Variants in ZNF366 observed in about 807,000 individuals in gnomAD.
ZNF366 encodes zinc finger protein 366, also known as dendritic cell-specific transcript protein.
A neutral mutation model predicts 47.2 loss-of-function variants in ZNF366; 20 were observed. That is an observed-to-expected ratio of 0.42 (90% CI 0.30 to 0.62). The LOEUF (loss-of-function observed/expected upper bound fraction) is 0.62. Ranked by LOEUF, ZNF366 falls within the 20% of genes least tolerant of loss-of-function variation. ZNF366 has a pLI of 0.16. For synonymous variants in ZNF366, 421 were observed against 395.1 expected (o/e 1.07, Z -0.78); for missense variants, 987 against 976.3 (o/e 1.01, Z -0.15).
intron 3 of ZNF366, among the ~76,000 whole-genome samples, chr5:72,454,087 A>G (rs983630718): frequency 6.6e-6 from 1 of 152,194 alleles, no homozygotes; most frequent in Non-Finnish European, 1.5e-5. Context: ...CTGGCATTCT[A>G]CTTTATAAAC....
At chr5:72,480,096 A>G (rs1289111810) in intron 1 of ZNF366, among the ~76,000 whole-genome samples, 1 of 152,250 alleles carries the variant, frequency 6.6e-6, no homozygotes, top group East Asian at 1.9e-4. Flanking sequence ...AAACTAAATC[A>G]TCCTAAAGCA....
At chr5:72,448,672 C>T (rs1162006486) in intron 3 of ZNF366, among the ~76,000 whole-genome samples, 1 of 152,036 alleles carries the variant, frequency 6.6e-6, no homozygotes, top group Non-Finnish European at 1.5e-5. Context: ...GAGGCTTACA[C>T]CAGTTTTCCT....
Position 72,460,386 on chromosome 5 carries a change from C to T in ZNF366, c.1111G>A (p.Gly371Ser). 3 of 1,614,242 alleles carry T rather than the reference C, an allele frequency of 1.9e-6. No homozygotes were observed. The highest frequency in any genetic ancestry group is 2.5e-6 in the Non-Finnish European group (3 of 1,180,042). Residue 371 changes from glycine to serine, a missense_variant, in exon 2 of 5, where the codon GGC (glycine) becomes AGC (serine). By Grantham distance (56) the Gly-to-Ser change is moderately conservative (BLOSUM62 0). Transcript: ENST00000318442. ...TGGGCCAAGGTGGGGAAGTCGAGGC[C>T]GCACTCCACACAGATGTTCTCGCGC... Reference protein sequence around the residue: ...SGRENICVECGLDFPTLAQLK... With the variant: ...SGRENICVECSLDFPTLAQLK...
intron 1 of ZNF366, among the ~76,000 whole-genome samples, chr5:72,468,946 A>G (rs922514767): frequency 6.6e-6 from 1 of 152,196 alleles, no homozygotes; most frequent in African/African-American, 2.4e-5. Flanking sequence ...TTTGGAGGGA[A>G]TGTCTTTAGA....
chr5:72,490,842 A>G (rs1743994024), intron 1 of ZNF366, among the ~76,000 whole-genome samples: 1 of 152,240 alleles, frequency 6.6e-6, no homozygotes, highest in African/African-American at 2.4e-5. Context: ...GAACTTGAGC[A>G]TGATAGTTGC....
At position 72,487,774 on chromosome 5, in the gene ZNF366, T is replaced by G. The variant is rs140550426; in HGVS notation, c.-15+19477A>C. 2.0e-4 allele frequency among the ~76,000 whole-genome samples: 30 copies of G among 152,300 alleles called. No individual in the cohort carries two copies. In the East Asian group the frequency reaches 4.8e-3, roughly 24 times the overall value. Reference sequence around the variant, plus strand: ...GTGTATCTTTTGGCCTATGTAGTAGTGGACAAATATGGGTATTTTGCAAAA... The same window carrying G: ...GTGTATCTTTTGGCCTATGTAGTAGGGGACAAATATGGGTATTTTGCAAAA... On this transcript the variant is annotated intron_variant, in intron 1 of 4. Coordinates refer to ENST00000318442, the MANE Select transcript of ZNF366 (RefSeq NM_152625.3).
Position 72,444,047 on chromosome 5 carries a change from C to T in ZNF366, c.1944G>A (p.Leu648=). 1.2e-6 allele frequency: 2 copies of T among 1,614,212 alleles called. No homozygotes were observed. The highest frequency in any genetic ancestry group is 1.7e-6 in the Non-Finnish European group (2 of 1,180,036). ...CGGGGGCGTGCTCCGACTTGGTGGACAGATCCTCGGGTGTGCAGAGCTGCT... is the reference window on the plus strand; with the variant it reads ...CGGGGGCGTGCTCCGACTTGGTGGATAGATCCTCGGGTGTGCAGAGCTGCT... The part of the protein sequence containing the change: ...QSQQLCTPED[L]STKSEHAPEV... Residue 648 remains leucine, a synonymous_variant, in exon 5 of 5, where the codon CTG becomes CTA. Transcript: ENST00000318442.
intron 1 of ZNF366, among the ~76,000 whole-genome samples, chr5:72,480,918 G>A (rs1343586553): frequency 6.6e-6 from 1 of 152,190 alleles, no homozygotes; most frequent in Non-Finnish European, 1.5e-5. Context: ...AGCAAGCCAC[G>A]CTTTAAGAGC....
chr5:72,469,046 C>T (rs189188593), intron 1 of ZNF366, among the ~76,000 whole-genome samples: 23 of 152,218 alleles, frequency 1.5e-4, no homozygotes, highest in African/African-American at 4.6e-4. Flanking sequence ...TGTTAGAAAC[C>T]TTCATTTTGT....
chr5:72,465,329 A>G lies in ZNF366; in HGVS notation c.-14-3819T>C, dbSNP rs146970079. ...AAGGAGAAGCCCGAGGTGGTGAAAC[A>G]ACAACAACAACAAAATCTAGCAAAC... On this transcript the variant is annotated intron_variant, in intron 1 of 4. Coordinates refer to ENST00000318442, the MANE Select transcript of ZNF366 (RefSeq NM_152625.3). Among the ~76,000 whole-genome samples, 21 of 152,242 alleles carry G rather than the reference A, an allele frequency of 1.4e-4. No homozygotes were observed. The East Asian group carries it at 3.9e-3, about 28-fold the overall frequency.
chr5:72,464,992 A>G (rs1743401317), intron 1 of ZNF366, among the ~76,000 whole-genome samples: 1 of 151,868 alleles, frequency 6.6e-6, no homozygotes, highest in South Asian at 2.1e-4. Flanking sequence ...CAGGAGTCGG[A>G]GGTTGCAGTG....
chr5:72,453,762 C>G (rs1165437841), intron 3 of ZNF366, among the ~76,000 whole-genome samples: 2 of 152,228 alleles, frequency 1.3e-5, no homozygotes, highest in Non-Finnish European at 1.5e-5. Flanking sequence ...GAGGAAGACC[C>G]TGACTGTATG....
At chr5:72,506,860 C>T (rs2112362730) in intron 1 of ZNF366, among the ~76,000 whole-genome samples, 1 of 152,176 alleles carries the variant, frequency 6.6e-6, no homozygotes, top group East Asian at 1.9e-4. Context: ...TAACAAAAAC[C>T]CCAGAGCAAA....
At chr5:72,488,739 C>G (rs545874763) in intron 1 of ZNF366, among the ~76,000 whole-genome samples, 1 of 152,092 alleles carries the variant, frequency 6.6e-6, no homozygotes, top group Non-Finnish European at 1.5e-5. Flanking sequence ...GCCCAGCAAC[C>G]GCATTTGGAG....
intron 1 of ZNF366, among the ~76,000 whole-genome samples, chr5:72,467,777 G>T (rs1743463959): frequency 6.6e-6 from 1 of 152,124 alleles, no homozygotes; most frequent in Non-Finnish European, 1.5e-5. Flanking sequence ...TACTCCTGGA[G>T]GCCCTGACTT....
chr5:72,446,530 C>A (rs531625992), intron 4 of ZNF366, among the ~76,000 whole-genome samples: 1 of 152,224 alleles, frequency 6.6e-6, no homozygotes, highest in South Asian at 2.1e-4. Context: ...CTCTTCACTG[C>A]CAAGGGCTCT....
chr5:72,504,089 G>GCACACGCGTGCATGCACA (rs1744271461), intron 1 of ZNF366, among the ~76,000 whole-genome samples: 1 of 151,496 alleles, frequency 6.6e-6, no homozygotes, highest in South Asian at 2.1e-4. Flanking sequence ...ACATGCGCGC[G>GCACACGCGTGCATGCACA]CACACACGCG....
chr5:72,451,208 G>A (rs978531248), intron 3 of ZNF366, among the ~76,000 whole-genome samples: 9 of 152,256 alleles, frequency 5.9e-5, no homozygotes, highest in African/African-American at 1.4e-4. Context: ...GCGCAGGTGC[G>A]CATCTCCACC....
In ZNF366 at chr5:72,461,355, G is replaced by T; in HGVS notation, c.142C>A (p.Leu48Ile). Reference protein sequence around the residue: ...APQRHPFPEALRGPFSQFRYE... With the variant: ...APQRHPFPEAIRGPFSQFRYE... Reference sequence around the variant, plus strand: ...CGAAACTGGGAAAATGGCCCTCGGAGAGCTTCCGGGAAGGGGTGTCTTTGG... The same window carrying T: ...CGAAACTGGGAAAATGGCCCTCGGATAGCTTCCGGGAAGGGGTGTCTTTGG... Residue 48 changes from leucine to isoleucine, a missense_variant, in exon 2 of 5, where the codon CTC becomes ATC. Leu to Ile is a conservative substitution (Grantham distance 5). Around this residue, in one of 3 missense-constraint regions of ZNF366, gnomAD observed 591 missense variants for 560.9 expected, o/e 1.05. Transcript: ENST00000318442. 1 of 1,614,066 alleles carries T rather than the reference G, an allele frequency of 6.2e-7. No homozygotes were observed. Among genetic ancestry groups the T allele is most frequent in the Non-Finnish European group, 8.5e-7 (1 of 1,179,990 alleles).
Sources: allele counts gnomAD v4.1 joint callset (sites outside exome capture counted in the v4.1 genomes callset), GRCh38; gene constraint gnomAD v4.1.1; regional missense constraint gnomAD v4.1.1; transcripts MANE v1.5; gene names NCBI Gene and HGNC (gene_info 2026-07-23, HGNC 2026-07-21).